The following STRBP variants were observed in gnomAD, a reference collection of about 807,000 sequenced individuals.
The protein encoded by STRBP is spermatid perinuclear RNA binding protein, also known as spermatid perinuclear RNA-binding protein.
Under a neutral mutation model 80.1 loss-of-function variants are expected in STRBP, and 13 were observed. The observed-to-expected ratio is 0.16, with a 90% CI of 0.11 to 0.26. The LOEUF is 0.26. Ranked by LOEUF, STRBP falls within the 10% of genes least tolerant of loss-of-function variation. The pLI, the probability that STRBP is intolerant of heterozygous loss-of-function variation, is 1.00. For missense variants in STRBP, 485 were observed against 815.2 expected (o/e 0.59, Z 4.93); for synonymous variants, 284 against 291.2 (o/e 0.98, Z 0.25).
At chr9:123,234,386 A>G (rs1045734952) in intron 2 of STRBP, among the ~76,000 whole-genome samples, 4 of 152,048 alleles carry the variant, frequency 2.6e-5, no homozygotes, top group African/African-American at 9.7e-5. Flanking sequence ...TCTCTTCACA[A>G]GACAGAAAAA....
At chr9:123,200,156 T>C (rs986225596) in intron 2 of STRBP, among the ~76,000 whole-genome samples, 1 of 152,220 alleles carries the variant, frequency 6.6e-6, no homozygotes, top group African/African-American at 2.4e-5. Context: ...TTTTTAATTG[T>C]TTATGTGCTG....
chr9:123,160,413 C>T lies in STRBP; in HGVS notation c.677G>A (p.Arg226His), dbSNP rs141064307. ...TGTGGGGACTCTGTTGCACAAATCA[C>T]GCAGAATGCGGAGGACAATTACACA... ...KSCVIVLRILRDLCNRVPTWA... is the reference protein window; with the variant it reads ...KSCVIVLRILHDLCNRVPTWA... The change falls in exon 8 of 19, where the codon CGT becomes CAT. Residue 226 changes from arginine to histidine, a missense_variant. Coordinates refer to ENST00000348403, the MANE Select transcript of STRBP (RefSeq NM_018387.5). The T allele has an allele frequency of 3.3e-5, 53 of 1,604,798 alleles. No homozygotes were observed. The highest frequency in any genetic ancestry group is 2.1e-4 in the South Asian group (19 of 89,898).
Position 123,124,199 on chromosome 9 carries a change from A to C in STRBP, c.*1398T>G, listed in dbSNP as rs375724278. On this transcript the variant is annotated 3_prime_UTR_variant, in exon 19 of 19. Coordinates refer to ENST00000348403, the MANE Select transcript of STRBP (RefSeq NM_018387.5). Reference sequence around the variant, plus strand: ...GGATGGGCCCTGTCAAGTTCCCAAAAGCAGAACTGAATAGGGAAAATGAAA... The same window carrying C: ...GGATGGGCCCTGTCAAGTTCCCAAACGCAGAACTGAATAGGGAAAATGAAA... 1.0e-6 allele frequency: 1 copy of C among 985,456 alleles called. No homozygotes were observed. The highest frequency in any genetic ancestry group is 4.7e-5 in the South Asian group (1 of 21,284). The allele number at this position is 985,456 out of a possible 1,614,324, so 61.0% of individuals were successfully genotyped here.
rs1274087748 is a variant in STRBP at position 123,158,536 on chromosome 9, A to T, written c.836-107T>A. On this transcript the variant is annotated intron_variant, in intron 9 of 18. Coordinates refer to ENST00000348403, the MANE Select transcript of STRBP (RefSeq NM_018387.5). ...GAGAATGAAGAGAAAATGAAAAAAA[A>T]AACTGAGGAACTAAGTTAAAAGTCT... 34 of 957,316 alleles carry T rather than the reference A, an allele frequency of 3.6e-5. 1 individual carries two copies. In the Middle Eastern group the frequency reaches 1.1e-3, roughly 31 times the overall value. The allele number at this position is 957,316 out of a possible 1,614,324, so 59.3% of individuals were successfully genotyped here. A position where few individuals can be genotyped will look rare whatever the true frequency, so the allele number is the denominator to read the frequency against.
At chr9:123,195,475 G>A (rs2039060006) in intron 2 of STRBP, among the ~76,000 whole-genome samples, 2 of 151,844 alleles carry the variant, frequency 1.3e-5, no homozygotes, top group Admixed American at 1.3e-4. Flanking sequence ...AAAACTATTA[G>A]AACTGACAAA....
intron 1 of STRBP, among the ~76,000 whole-genome samples, chr9:123,252,576 C>T (rs2040939627): frequency 6.6e-6 from 1 of 152,136 alleles, no homozygotes; most frequent in African/African-American, 2.4e-5. Flanking sequence ...TTTTTAAAAG[C>T]TTAAAATCCA....
rs112053002 is a variant in STRBP at position 123,170,133 on chromosome 9, G to A, written c.391-87C>T. ...AAAACAATGCTTGTACTAAGTTCTC[G>A]AATGTTACTATTAATATTACTGTGC... On this transcript the variant is annotated intron_variant, in intron 5 of 18. Transcript: ENST00000348403. The A allele has an allele frequency of 7.6e-4, 985 of 1,291,812 alleles. 4 individuals are homozygous for A. In the African/African-American group the frequency reaches 0.012, roughly 16 times the overall value. 80.0% of individuals were successfully genotyped at this position (1,291,812 alleles called of 1,614,324 possible).
chr9:123,252,210 T>C (rs139483759), intron 1 of STRBP, among the ~76,000 whole-genome samples: 1 of 152,290 alleles, frequency 6.6e-6, no homozygotes, highest in African/African-American at 2.4e-5. Context: ...GAGGTTTTCC[T>C]GTATTTGCAC....
chr9:123,183,394 G>A (rs148948314), intron 3 of STRBP, among the ~76,000 whole-genome samples: 2,151 of 151,752 alleles, frequency 0.014, 51 homozygotes, highest in African/African-American at 0.049. Flanking sequence ...CCGAGATTGC[G>A]CCATTGCATT....
In STRBP at chr9:123,160,993, T is replaced by C. The variant is rs775975442; in HGVS notation, c.611A>G (p.His204Arg). The C allele has an allele frequency of 1.3e-6, 2 of 1,585,540 alleles. No individual in the cohort carries two copies. Among genetic ancestry groups the C allele is most frequent in the South Asian group, 1.2e-5 (1 of 85,198 alleles). The change falls in exon 7 of 19, where the codon CAT becomes CGT. Residue 204 changes from histidine (H) to arginine (R), a missense_variant. By Grantham distance (29) the His-to-Arg change is conservative. Around this residue, in one of 3 missense-constraint regions of STRBP, gnomAD observed 377 missense variants for 616.1 expected, o/e 0.61. Coordinates refer to ENST00000348403, the MANE Select transcript of STRBP (RefSeq NM_018387.5). Reference protein sequence around the residue: ...KCLNALASLRHAKWFQARANG... With the variant: ...KCLNALASLRRAKWFQARANG... Reference sequence around the variant, plus strand: ...AAAGCCAACCTGAAACCATTTGGCATGTCGAAGAGACGCCAAGGCGTTCAG... The same window carrying C: ...AAAGCCAACCTGAAACCATTTGGCACGTCGAAGAGACGCCAAGGCGTTCAG...
rs556737578 is a variant in STRBP at position 123,239,671 on chromosome 9, A to G, written c.-301-2705T>C. Among the ~76,000 whole-genome samples, 19 of 152,340 alleles carry G rather than the reference A, an allele frequency of 1.2e-4. No individual in the cohort carries two copies. The South Asian group carries it at 3.9e-3, about 32-fold the overall frequency. On this transcript the variant is annotated intron_variant, in intron 1 of 18. Coordinates refer to ENST00000348403, the MANE Select transcript of STRBP (RefSeq NM_018387.5). ...ATTCTTATAACAGGAGCAGAGTAAC[A>G]ATATCACCTACAATTTACTAAATGT... is the stretch of plus-strand genomic sequence containing the variant.
chr9:123,258,048 T>C (rs1051026082), intron 1 of STRBP, among the ~76,000 whole-genome samples: 2 of 152,076 alleles, frequency 1.3e-5, no homozygotes, highest in Non-Finnish European at 2.9e-5. Flanking sequence ...TCAAGGCGCA[T>C]AATATTCCAA....
chr9:123,228,646 C>T (rs914812920), intron 2 of STRBP, among the ~76,000 whole-genome samples: 5 of 152,056 alleles, frequency 3.3e-5, no homozygotes, highest in African/African-American at 1.2e-4. Flanking sequence ...GTCAAGGGCA[C>T]GTTCAGCTAA....
chr9:123,196,389 A>C (rs1469455620), intron 2 of STRBP, among the ~76,000 whole-genome samples: 1 of 152,210 alleles, frequency 6.6e-6, no homozygotes. Context: ...CATCAAGTTG[A>C]AAAGCTTCTG....
chr9:123,144,660 T>G (rs897862454), intron 13 of STRBP, among the ~76,000 whole-genome samples: 1 of 152,218 alleles, frequency 6.6e-6, no homozygotes, highest in Non-Finnish European at 1.5e-5. Flanking sequence ...CCCCTCATTT[T>G]CTAAACCATT....
intron 2 of STRBP, among the ~76,000 whole-genome samples, chr9:123,193,755 G>A (rs898090385): frequency 2.6e-5 from 4 of 151,348 alleles, no homozygotes; most frequent in Non-Finnish European, 5.9e-5. Flanking sequence ...CCGAAATTAC[G>A]TGATCCATCA....
intron 2 of STRBP, among the ~76,000 whole-genome samples, chr9:123,209,466 T>C (rs1418804783): frequency 6.6e-6 from 1 of 152,218 alleles, no homozygotes; most frequent in Non-Finnish European, 1.5e-5. Context: ...AATGTAAAAA[T>C]GTAAAAGCAT....
intron 6 of STRBP, among the ~76,000 whole-genome samples, chr9:123,166,421 G>A (rs567992807): frequency 5.3e-5 from 8 of 152,146 alleles, no homozygotes; most frequent in South Asian, 4.1e-4. Flanking sequence ...AATTTAAAAC[G>A]AGGAAACCTA....
chr9:123,232,621 T>G (rs923128159), intron 2 of STRBP, among the ~76,000 whole-genome samples: 19 of 152,156 alleles, frequency 1.2e-4, no homozygotes, highest in Non-Finnish European at 2.4e-4. Context: ...CAGAGAAAAC[T>G]GGTATGTCTA....
Sources: gnomAD v4.1 joint callset for allele counts (sites outside exome capture counted in the v4.1 genomes callset) on GRCh38, gnomAD v4.1.1 for gene constraint, gnomAD v4.1.1 regional missense constraint, MANE v1.5 for transcripts, NCBI Gene and HGNC (gene_info 2026-07-23, HGNC 2026-07-21) for gene names.